The following NXPH1 variants were observed in gnomAD, a reference collection of about 807,000 sequenced individuals.
The protein encoded by NXPH1 is neurexophilin 1, also known as neurexophilin-1.
Under a neutral mutation model 23.7 loss-of-function variants are expected in NXPH1, and 5 were observed. The observed-to-expected ratio is 0.21, with a 90% CI of 0.11 to 0.44. The LOEUF (loss-of-function observed/expected upper bound fraction) is 0.44. Among genes scored for constraint, NXPH1 ranks in the 20% least tolerant of loss-of-function variants. NXPH1 has a pLI of 0.99. For synonymous variants in NXPH1, 144 were observed against 122.2 expected, an observed-to-expected ratio of 1.18 and a Z score of -1.18; for missense variants, 324 against 321.6, an observed-to-expected ratio of 1.01 and a Z score of -0.06.
At chr7:8,697,161 A>C (rs1779542018) in intron 2 of NXPH1, among the ~76,000 whole-genome samples, 1 of 64,286 alleles carries the variant, frequency 1.6e-5, no homozygotes, top group South Asian at 4.7e-4. Flanking sequence ...CTGTTTCAAA[A>C]AAAAAAAAAA....
chr7:8,435,600 C>T lies in NXPH1; in HGVS notation c.-110-4C>T. On this transcript the variant is annotated splice_region_variant and splice_polypyrimidine_tract_variant and intron_variant, in intron 1 of 2. Transcript: ENST00000405863. This position sits in a 1 kb window ranked among gnomAD's most constrained non-coding sequence, Gnocchi z 5.9. ...ATGGGATGTCTAATTTTATTTGCAT[C>T]TAGGCTGCTGAGAGCGCTCCTTGCT... 1.1e-6 allele frequency: 1 copy of T among 935,302 alleles called. No homozygotes were observed. Among genetic ancestry groups the T allele is most frequent in the Non-Finnish European group, 1.8e-6 (1 of 566,040 alleles). 57.9% of individuals were successfully genotyped at this position (935,302 alleles called of 1,614,324 possible).
chr7:8,483,861 T>C (rs926311955), intron 2 of NXPH1, among the ~76,000 whole-genome samples: 13 of 152,156 alleles, frequency 8.5e-5, no homozygotes, highest in African/African-American at 2.9e-4. Flanking sequence ...TATTTTCTCA[T>C]TGCCTTTATT....
intron 2 of NXPH1, among the ~76,000 whole-genome samples, chr7:8,668,266 T>TG (rs1282803344): frequency 5.3e-4 from 51 of 96,766 alleles, no homozygotes; most frequent in African/African-American, 1.3e-3. Flanking sequence ...GTTTTTTTTT[T>TG]TTTATTTTGT....
chr7:8,516,463 T>A (rs17150221), intron 2 of NXPH1, among the ~76,000 whole-genome samples: 2 of 151,998 alleles, frequency 1.3e-5, no homozygotes, highest in African/African-American at 4.8e-5. Flanking sequence ...TAATACTGTT[T>A]TTGCTGATTA....
intron 2 of NXPH1, among the ~76,000 whole-genome samples, chr7:8,616,194 C>T (rs1250097624): frequency 2.6e-5 from 4 of 152,026 alleles, no homozygotes; most frequent in African/African-American, 9.7e-5. Flanking sequence ...CAGTCACGTT[C>T]AACCACACTG....
chr7:8,480,782 G>A (rs1817060132), intron 2 of NXPH1, among the ~76,000 whole-genome samples: 1 of 152,130 alleles, frequency 6.6e-6, no homozygotes, highest in Non-Finnish European at 1.5e-5. Flanking sequence ...TTTGTACATT[G>A]TGGAAGGCAA....
chr7:8,556,225 G>A (rs1157623829), intron 2 of NXPH1, among the ~76,000 whole-genome samples: 6 of 151,806 alleles, frequency 4.0e-5, no homozygotes, highest in Non-Finnish European at 8.9e-5. Flanking sequence ...CATAGAGTGT[G>A]TGTTCTGGGT....
intron 2 of NXPH1, among the ~76,000 whole-genome samples, chr7:8,733,486 C>T (rs1780193541): frequency 6.6e-6 from 1 of 152,176 alleles, no homozygotes; most frequent in African/African-American, 2.4e-5. Context: ...AGCTAATTTA[C>T]ACTCCCACCA....
intron 2 of NXPH1, among the ~76,000 whole-genome samples, chr7:8,446,738 C>T (rs1371982033): frequency 6.6e-6 from 1 of 151,852 alleles, no homozygotes; most frequent in African/African-American, 2.4e-5. Flanking sequence ...GCCATAAATT[C>T]CACTATGATT....
At chr7:8,590,024 C>T (rs913655301) in intron 2 of NXPH1, among the ~76,000 whole-genome samples, 2 of 152,080 alleles carry the variant, frequency 1.3e-5, no homozygotes, top group African/African-American at 4.8e-5. Context: ...TGGCAGAAAG[C>T]TCTATTGGAT....
chr7:8,560,507 C>G (rs575998266), intron 2 of NXPH1, among the ~76,000 whole-genome samples: 1 of 151,700 alleles, frequency 6.6e-6, no homozygotes, highest in Admixed American at 6.6e-5. Flanking sequence ...ATTACTGTTA[C>G]GCCCTCCAAT....
At chr7:8,572,084 G>C (rs369927895) in intron 2 of NXPH1, among the ~76,000 whole-genome samples, 86 of 151,962 alleles carry the variant, frequency 5.7e-4, no homozygotes, top group African/African-American at 1.8e-3. Flanking sequence ...AGTTAAATCT[G>C]AATCTTAGAT....
At chr7:8,564,148 A>G (rs1359417214) in intron 2 of NXPH1, among the ~76,000 whole-genome samples, 1 of 151,784 alleles carries the variant, frequency 6.6e-6, no homozygotes, top group Non-Finnish European at 1.5e-5. Context: ...CTTGGGCAGA[A>G]ACATCAATCA....
chr7:8,537,355 G>C (rs1284565897), intron 2 of NXPH1, among the ~76,000 whole-genome samples: 1 of 151,950 alleles, frequency 6.6e-6, no homozygotes, highest in Non-Finnish European at 1.5e-5. Flanking sequence ...ATTCATAAAG[G>C]AAAGAGGTTT....
At chr7:8,448,138 G>A (rs1376535119) in intron 2 of NXPH1, among the ~76,000 whole-genome samples, 1 of 152,196 alleles carries the variant, frequency 6.6e-6, no homozygotes, top group Admixed American at 6.5e-5. Context: ...CTGTGACTTT[G>A]GGCAAGCTTA....
At chr7:8,625,694 C>A (rs1312711947) in intron 2 of NXPH1, among the ~76,000 whole-genome samples, 1 of 152,110 alleles carries the variant, frequency 6.6e-6, no homozygotes, top group Non-Finnish European at 1.5e-5. Context: ...ACTGGCTCAT[C>A]ACCAGTTTTC....
rs1345535332 is a variant in NXPH1, at chr7:8,435,074, C to G, written c.-111+319C>G. 1 of 153,344 alleles carries G rather than the reference C, an allele frequency of 6.5e-6. No homozygotes were observed. The highest frequency in any genetic ancestry group is 2.4e-5 in the African/African-American group (1 of 41,458). The allele number at this position is 153,344 out of a possible 1,614,324, so 9.5% of individuals were successfully genotyped here. Reference sequence around the variant, plus strand: ...CTTTCCCCACCCCCACTTCACCGAACGTGTTGAGGTACCTAGCACCTAATC... The same window carrying G: ...CTTTCCCCACCCCCACTTCACCGAAGGTGTTGAGGTACCTAGCACCTAATC... On this transcript the variant is annotated intron_variant, in intron 1 of 2. Coordinates refer to ENST00000405863, the MANE Select transcript of NXPH1 (RefSeq NM_152745.3). The surrounding 1 kb of genome is among the most constrained non-coding windows in gnomAD (Gnocchi z 5.9).
chr7:8,634,986 C>CT (rs111517649), intron 2 of NXPH1, among the ~76,000 whole-genome samples: 41,853 of 151,984 alleles, frequency 0.28, 6,226 homozygotes, highest in African/African-American at 0.35. Flanking sequence ...TGACATATTA[C>CT]TGGAAGTGCA....
At chr7:8,490,852 C>A (rs1817237698) in intron 2 of NXPH1, among the ~76,000 whole-genome samples, 1 of 151,986 alleles carries the variant, frequency 6.6e-6, no homozygotes, top group African/African-American at 2.4e-5. Context: ...TTACCAAATA[C>A]ATTTTATGAA....
Sources: allele counts gnomAD v4.1 joint callset (sites outside exome capture counted in the v4.1 genomes callset), GRCh38; gene constraint gnomAD v4.1.1; non-coding constraint Gnocchi (gnomAD v3.1); transcripts MANE v1.5; gene names NCBI Gene and HGNC (gene_info 2026-07-23, HGNC 2026-07-21).